Variants in FAXDC2 observed in about 807,000 individuals in gnomAD.
The protein encoded by FAXDC2 is fatty acid hydroxylase domain-containing protein 2.
FAXDC2 carries 41 observed loss-of-function variants against 40.9 expected under a neutral mutation model. The observed-to-expected ratio is 1.00, with a 90% CI of 0.78 to 1.30. The LOEUF (loss-of-function observed/expected upper bound fraction) is 1.30. Ranked by LOEUF, FAXDC2 falls within the 50% of genes most tolerant of loss-of-function variation. The probability of loss-of-function intolerance (pLI) is 0.00; values close to 1 mark genes in which losing one functional copy is unlikely to be tolerated. For missense variants in FAXDC2, 390 were observed against 408.8 expected, an observed-to-expected ratio of 0.95 and a Z score of 0.40; for synonymous variants, 157 against 149.3, an observed-to-expected ratio of 1.05 and a Z score of -0.38.
rs957826877 is a variant in FAXDC2, at chr5:154,833,183, C to T, written c.244+1442G>A. Among the ~76,000 whole-genome samples the T allele has an allele frequency of 6.6e-5, 10 of 151,610 alleles. No homozygotes were observed. The East Asian group carries it at 1.6e-3, about 24-fold the overall frequency. On this transcript the variant is annotated intron_variant, in intron 4 of 8. Transcript: ENST00000326080. ...TCCTGAGTAGCTGGGATTACAGGCACGCACCACCACGCCTGGCTCATTTTT... is the reference window on the plus strand; with the variant it reads ...TCCTGAGTAGCTGGGATTACAGGCATGCACCACCACGCCTGGCTCATTTTT...
intron 1 of FAXDC2, among the ~76,000 whole-genome samples, chr5:154,845,744 CAG>C (rs1485770524): frequency 6.7e-6 from 1 of 150,088 alleles, no homozygotes; most frequent in Non-Finnish European, 1.5e-5. Flanking sequence ...ACTGAAGAAA[CAG>C]AGGTGCAGAG....
At chr5:154,841,335 G>A (rs1760470721) in intron 1 of FAXDC2, among the ~76,000 whole-genome samples, 1 of 152,176 alleles carries the variant, frequency 6.6e-6, no homozygotes, top group Non-Finnish European at 1.5e-5. Context: ...TTAGTAGAGT[G>A]CAGCTGCAGG....
In FAXDC2 at chr5:154,819,016, T is replaced by C. The variant is rs1759806094; in HGVS notation, c.*1300A>G. 6.6e-6 allele frequency: 1 copy of C among 152,378 alleles called. No homozygotes were observed. The highest frequency in any genetic ancestry group is 2.1e-4 in the South Asian group (1 of 4,826). 9.4% of individuals were successfully genotyped at this position (152,378 alleles called of 1,614,324 possible). A position where few individuals can be genotyped will look rare whatever the true frequency, so the allele number is the denominator to read the frequency against. On this transcript the variant is annotated 3_prime_UTR_variant, in exon 9 of 9. Coordinates refer to ENST00000326080, the MANE Select transcript of FAXDC2 (RefSeq NM_032385.5). ...CAGCTGGCCTACTGGGCAAGTCCTC[T>C]GGGGTTCTAGAGCTGATAGGAAGAA... is the stretch of plus-strand genomic sequence containing the variant.
chr5:154,848,086 G>A (rs556110448), intron 1 of FAXDC2, among the ~76,000 whole-genome samples: 77 of 151,670 alleles, frequency 5.1e-4, no homozygotes, highest in African/African-American at 1.8e-3. Context: ...TGATCCGCCC[G>A]CCTCGGCCTC....
At position 154,834,837 on chromosome 5, in the gene FAXDC2, A is replaced by G; in HGVS notation, c.140+6T>C. On this transcript the variant is annotated splice_donor_region_variant and intron_variant, in intron 3 of 8. Coordinates refer to ENST00000326080, the MANE Select transcript of FAXDC2 (RefSeq NM_032385.5). Reference sequence around the variant, plus strand: ...ACTGCACCCTAGCTGGGTGGAGCCGACTTACCATGTCACTGAGTTCCAGAA... The same window carrying G: ...ACTGCACCCTAGCTGGGTGGAGCCGGCTTACCATGTCACTGAGTTCCAGAA... The G allele has an allele frequency of 6.2e-7, 1 of 1,610,182 alleles. No individual in the cohort carries two copies. Among genetic ancestry groups the G allele is most frequent in the Non-Finnish European group, 8.5e-7 (1 of 1,177,602 alleles).
In FAXDC2 at chr5:154,823,397, A is replaced by G. The variant is rs1413329635; in HGVS notation, c.562T>C (p.Tyr188His). ...GCAGGGCCTGCTCACCGGTGTGAAT[A>G]GTAGAACAAGACTTCCTCGATCAGC... ...FTLIEEVLFY[Y>H]SHRLLHHPTF... is the part of the protein sequence containing the mutation. The change falls in exon 6 of 9, where the codon TAT (tyrosine) becomes CAT (histidine). Residue 188 changes from tyrosine (Y) to histidine (H), a missense_variant. Coordinates refer to ENST00000326080, the MANE Select transcript of FAXDC2 (RefSeq NM_032385.5). 6.2e-7 allele frequency: 1 copy of G among 1,613,474 alleles called. No individual in the cohort carries two copies. The highest frequency in any genetic ancestry group is 1.7e-5 in the Admixed American group (1 of 60,028).
intron 4 of FAXDC2, 82 bp from the exon 5 acceptor site, chr5:154,831,004 G>A: frequency 1.3e-6 from 2 of 1,530,990 alleles, no homozygotes; most frequent in Non-Finnish European, 1.8e-6. Context: ...TTTTTGTGGT[G>A]ACTGAGGCTT....
chr5:154,831,695 G>A (rs1021039810), intron 4 of FAXDC2, among the ~76,000 whole-genome samples: 1 of 152,130 alleles, frequency 6.6e-6, no homozygotes, highest in Non-Finnish European at 1.5e-5. Context: ...TAACTGTGGC[G>A]GCTGGGACTT....
At chr5:154,841,900 T>TA (rs1297799551) in intron 1 of FAXDC2, among the ~76,000 whole-genome samples, 2 of 152,180 alleles carry the variant, frequency 1.3e-5, no homozygotes, top group Middle Eastern at 3.4e-3. Context: ...CATGCACAGC[T>TA]AATTTTTTTG....
At chr5:154,827,246 G>A (rs146456284) in intron 5 of FAXDC2, among the ~76,000 whole-genome samples, 58 of 151,740 alleles carry the variant, frequency 3.8e-4, no homozygotes, top group African/African-American at 1.4e-3. Flanking sequence ...TGGAGGTTAC[G>A]GTGAGCCAAG....
At chr5:154,844,648 T>A (rs1582541568) in intron 1 of FAXDC2, among the ~76,000 whole-genome samples, 1 of 152,374 alleles carries the variant, frequency 6.6e-6, no homozygotes, top group Non-Finnish European at 1.5e-5. Flanking sequence ...GAAGCTGTTC[T>A]ATATATCCTT....
At chr5:154,845,585 T>TA (rs1228015977) in intron 1 of FAXDC2, among the ~76,000 whole-genome samples, 1 of 151,322 alleles carries the variant, frequency 6.6e-6, no homozygotes, top group East Asian at 1.9e-4. Flanking sequence ...AGTATTAATA[T>TA]AAAAAAAATT....
chr5:154,835,125 C>G, intron 2 of FAXDC2, 191 bp from the exon 3 acceptor site: 1 of 554,566 alleles, frequency 1.8e-6, no homozygotes, highest in South Asian at 2.2e-5. Context: ...TCAGGCTGTA[C>G]ATGGGTGTGT....
intron 1 of FAXDC2, among the ~76,000 whole-genome samples, chr5:154,845,868 C>G (rs1366712174): frequency 6.6e-6 from 1 of 151,204 alleles, no homozygotes; most frequent in Non-Finnish European, 1.5e-5. Flanking sequence ...TCACTGCAAC[C>G]TCTGCCTCCC....
At chr5:154,842,718 G>C (rs1327039517) in intron 1 of FAXDC2, among the ~76,000 whole-genome samples, 15 of 146,890 alleles carry the variant, frequency 1.0e-4, no homozygotes, top group Non-Finnish European at 8.9e-5. Context: ...TTTAAGTAGA[G>C]ATGGGGTTTC....
chr5:154,820,573 C>T lies in FAXDC2; in HGVS notation c.846-101G>A, dbSNP rs1759859741. ...TCACACATTTCTCAGCCCTCCTACC[C>T]CACACCTGTCACCACCATCCTGACC... On this transcript the variant is annotated intron_variant, in intron 8 of 8. Coordinates refer to ENST00000326080, the MANE Select transcript of FAXDC2 (RefSeq NM_032385.5). 3.2e-6 allele frequency: 3 copies of T among 928,816 alleles called. No homozygotes were observed. In the Admixed American group the frequency reaches 8.2e-5, roughly 25 times the overall value. 57.5% of individuals were successfully genotyped at this position (928,816 alleles called of 1,614,324 possible). A position where few individuals can be genotyped will look rare whatever the true frequency, so the allele number is the denominator to read the frequency against.
chr5:154,820,069 A>T lies in FAXDC2; in HGVS notation c.*247T>A. The T allele has an allele frequency of 7.6e-6, 3 of 396,414 alleles. No individual in the cohort carries two copies. In the South Asian group the frequency reaches 1.0e-4, roughly 14 times the overall value. The allele number at this position is 396,414 out of a possible 1,614,324, so 24.6% of individuals were successfully genotyped here. ...GGTCTCCTCCCTCTGACCAGCCTCC[A>T]GTCTGGGGAGCTGTGTTTTCCTTTT... On this transcript the variant is annotated 3_prime_UTR_variant, in exon 9 of 9. Coordinates refer to ENST00000326080, the MANE Select transcript of FAXDC2 (RefSeq NM_032385.5).
rs929067496 is a variant in FAXDC2 at position 154,821,167 on chromosome 5, G to C, written c.845+93C>G. 6 of 1,076,304 alleles carry C rather than the reference G, an allele frequency of 5.6e-6. No individual in the cohort carries two copies. The African/African-American group carries it at 9.7e-5, about 17-fold the overall frequency. 66.7% of individuals were successfully genotyped at this position (1,076,304 alleles called of 1,614,324 possible). Reference sequence around the variant, plus strand: ...CCTCTTCCCCAACTAGCACTCACATGTAAACTGAGATACCAGTGCCTGCTA... The same window carrying C: ...CCTCTTCCCCAACTAGCACTCACATCTAAACTGAGATACCAGTGCCTGCTA... On this transcript the variant is annotated intron_variant, in intron 8 of 8. Coordinates refer to ENST00000326080, the MANE Select transcript of FAXDC2 (RefSeq NM_032385.5).
intron 6 of FAXDC2, 199 bp downstream of exon 6, chr5:154,823,187 AT>A: frequency 1.8e-6 from 1 of 565,268 alleles, no homozygotes; most frequent in Non-Finnish European, 3.2e-6. Flanking sequence ...AATTTTTTAA[AT>A]TTTTTTGTAG....
Sources: gnomAD v4.1 joint callset for allele counts (sites outside exome capture counted in the v4.1 genomes callset) on GRCh38, gnomAD v4.1.1 for gene constraint, MANE v1.5 for transcripts, NCBI Gene and HGNC (gene_info 2026-07-23, HGNC 2026-07-21) for gene names.